Variants in SORL1 observed in about 807,000 individuals in gnomAD.
SORL1 encodes sortilin related receptor 1, also known as sortilin-related receptor.
Under a neutral mutation model 273.7 loss-of-function variants are expected in SORL1, and 127 were observed. The ratio of observed to expected loss-of-function variants is 0.46; its 90% confidence interval spans 0.40 to 0.54. The LOEUF (loss-of-function observed/expected upper bound fraction) is 0.54, where lower values mean the gene tolerates loss of function less well. Among genes scored for constraint, SORL1 ranks in the 20% least tolerant of loss-of-function variants. The pLI, the probability that SORL1 is intolerant of heterozygous loss-of-function variation, is 0.00. For synonymous variants in SORL1, 1,031 were observed against 1,067.4 expected (o/e 0.97, Z 0.66); for missense variants, 2,494 against 2,846.1 (o/e 0.88, Z 2.81).
chr11:121,539,416 A>G (rs1334997836), intron 12 of SORL1, among the ~76,000 whole-genome samples: 1 of 152,184 alleles, frequency 6.6e-6, no homozygotes, highest in African/African-American at 2.4e-5. Flanking sequence ...TATTTTCCCT[A>G]TTCTAGTTTT....
In SORL1 at chr11:121,550,661, C is replaced by T. The variant is rs140704540; in HGVS notation, c.2257C>T (p.Pro753Ser). The T allele has an allele frequency of 1.2e-6, 2 of 1,613,334 alleles. No homozygotes were observed. The highest frequency in any genetic ancestry group is 1.7e-6 in the Non-Finnish European group (2 of 1,179,322). ...ARLEGELVPC[P>S]LAEENEFILY... ...ACTGGAAGGAGAGCTGGTCCCCTGTCCCCTGGCAGGTAAGAGAGGTGGTTT... is the reference window on the plus strand; with the variant it reads ...ACTGGAAGGAGAGCTGGTCCCCTGTTCCCTGGCAGGTAAGAGAGGTGGTTT... The change falls in exon 16 of 48, where the codon CCC becomes TCC. Residue 753 changes from proline to serine, a missense_variant. Pro to Ser is a moderately conservative substitution (Grantham distance 74, BLOSUM62 -1). Transcript: ENST00000260197. The surrounding 1 kb of genome is among the most constrained non-coding windows in gnomAD (Gnocchi z 5.3).
chr11:121,557,877 G>A (rs1439138251), intron 19 of SORL1, among the ~76,000 whole-genome samples: 1 of 152,190 alleles, frequency 6.6e-6, no homozygotes, highest in Admixed American at 6.5e-5. Context: ...AATTAAGAGG[G>A]AAATTCTGGA....
rs1863617222 is a variant in SORL1, at chr11:121,614,890, T to TA, written c.5440dup (p.Thr1814AsnfsTer4). The TA allele has an allele frequency of 6.2e-7, 1 of 1,613,266 alleles. No individual in the cohort carries two copies. Reference sequence around the variant, plus strand: ...TCACAGTTGGCAATCTGACAGCTCATACATCCTATGAGATTTCTGCCTGGG... The same window carrying TA: ...TCACAGTTGGCAATCTGACAGCTCATAACATCCTATGAGATTTCTGCCTGGG... On this transcript the variant is annotated frameshift_variant, in exon 41 of 48. Coordinates refer to ENST00000260197, the MANE Select transcript of SORL1 (RefSeq NM_003105.6). LOFTEE classifies it high-confidence loss of function.
In SORL1 at chr11:121,554,190, T is replaced by G. The variant is rs1862544671; in HGVS notation, c.2439+81T>G. On this transcript the variant is annotated intron_variant, in intron 17 of 47. Coordinates refer to ENST00000260197, the MANE Select transcript of SORL1 (RefSeq NM_003105.6). The surrounding 1 kb of genome is among the most constrained non-coding windows in gnomAD (Gnocchi z 4.6). ...GATAAGCTGCATGCAGAATGGCCTATGGAAATGGGCAGTTAGAAGTTTGTA... is the reference window on the plus strand; with the variant it reads ...GATAAGCTGCATGCAGAATGGCCTAGGGAAATGGGCAGTTAGAAGTTTGTA... The G allele has an allele frequency of 4.7e-6, 6 of 1,286,870 alleles. No homozygotes were observed. The highest frequency in any genetic ancestry group is 6.5e-6 in the Non-Finnish European group (6 of 921,678). 79.7% of individuals were successfully genotyped at this position (1,286,870 alleles called of 1,614,324 possible). A position where few individuals can be genotyped will look rare whatever the true frequency, so the allele number is the denominator to read the frequency against.
At chr11:121,598,560 C>T (rs1178196763) in intron 32 of SORL1, among the ~76,000 whole-genome samples, 1 of 152,168 alleles carries the variant, frequency 6.6e-6, no homozygotes, top group Non-Finnish European at 1.5e-5. Flanking sequence ...TCTTGTCTTC[C>T]TTTTCATTTT....
At chr11:121,547,498 G>A (rs1192209355) in intron 14 of SORL1, among the ~76,000 whole-genome samples, 1 of 139,852 alleles carries the variant, frequency 7.2e-6, no homozygotes, top group African/African-American at 2.7e-5. Flanking sequence ...GGGTAAACTG[G>A]CCTGGGACCT....
intron 43 of SORL1, among the ~76,000 whole-genome samples, chr11:121,620,479 T>C (rs1485906704): frequency 1.3e-5 from 2 of 152,178 alleles, no homozygotes; most frequent in African/African-American, 4.8e-5. Flanking sequence ...TGCTCTTCCC[T>C]CTCTCCTCTC....
Position 121,550,303 on chromosome 11 carries a change from A to G in SORL1, c.2180+215A>G, listed in dbSNP as rs1178930744. On this transcript the variant is annotated intron_variant, in intron 15 of 47. Coordinates refer to ENST00000260197, the MANE Select transcript of SORL1 (RefSeq NM_003105.6). This position sits in a 1 kb window ranked among gnomAD's most constrained non-coding sequence, Gnocchi z 5.3. ...TAAGCATCCCTGAAACTCTAGGAAT[A>G]TCTTAAGTCATCAACTTCAGCAGGG... is the stretch of plus-strand genomic sequence containing the variant. Among the ~76,000 whole-genome samples, 6 of 152,232 alleles carry G rather than the reference A, an allele frequency of 3.9e-5. No individual in the cohort carries two copies. The highest frequency in any genetic ancestry group is 4.8e-5 in the African/African-American group (2 of 41,460).
intron 43 of SORL1, among the ~76,000 whole-genome samples, chr11:121,620,430 A>G (rs1472462600): frequency 6.6e-6 from 1 of 152,172 alleles, no homozygotes; most frequent in East Asian, 1.9e-4. Flanking sequence ...TTGATCCTAA[A>G]CAAAACAAAA....
At chr11:121,532,387 G>T (rs1862214338) in intron 11 of SORL1, 77 bp from the exon 12 acceptor site, 6 of 1,310,092 alleles carry the variant, frequency 4.6e-6, no homozygotes, top group Non-Finnish European at 6.6e-6. Flanking sequence ...GTGTGTGCAT[G>T]CCTGTGGGCA....
rs533084873 is a variant in SORL1 at position 121,607,988 on chromosome 11, A to G, written c.5167-116A>G. 5 of 852,464 alleles carry G rather than the reference A, an allele frequency of 5.9e-6. 1 individual carries two copies. The South Asian group carries it at 8.3e-5, about 14-fold the overall frequency. 52.8% of individuals were successfully genotyped at this position (852,464 alleles called of 1,614,324 possible). The stretch of plus-strand genomic sequence containing the variant: ...GAATATTCTGGATCACTCTGTATAA[A>G]ATTTTTCCAGCCTCACTGCCAAAAT... On this transcript the variant is annotated intron_variant, in intron 37 of 47. Transcript: ENST00000260197.
In SORL1 at chr11:121,596,115, A is replaced by C. The variant is rs138488297; in HGVS notation, c.4519+343A>C. Among the ~76,000 whole-genome samples the C allele has an allele frequency of 1.3e-5, 2 of 152,204 alleles. No homozygotes were observed. The highest frequency in any genetic ancestry group is 4.8e-5 in the African/African-American group (2 of 41,450). ...AAAGCCACAACTCTTCTGTATGTAC[A>C]TTCATTCTTCTGGAAGTATTTAGTG... On this transcript the variant is annotated intron_variant, in intron 32 of 47. Coordinates refer to ENST00000260197, the MANE Select transcript of SORL1 (RefSeq NM_003105.6). This position sits in a 1 kb window ranked among gnomAD's most constrained non-coding sequence, Gnocchi z 4.3.
At chr11:121,488,006 C>T in intron 3 of SORL1, 26 bp from the exon 4 acceptor site, 1 of 1,612,716 alleles carries the variant, frequency 6.2e-7, no homozygotes, top group Non-Finnish European at 8.5e-7. Flanking sequence ...AGGGCCTGCT[C>T]TCAACTTACC....
chr11:121,513,322 G>A (rs1386083171), intron 7 of SORL1, among the ~76,000 whole-genome samples: 4 of 152,228 alleles, frequency 2.6e-5, no homozygotes, highest in Non-Finnish European at 5.9e-5. Context: ...GCTTTAAGTG[G>A]AGCAGCACTG....
intron 14 of SORL1, among the ~76,000 whole-genome samples, chr11:121,546,388 T>C (rs930317461): frequency 6.6e-6 from 1 of 152,168 alleles, no homozygotes; most frequent in African/African-American, 2.4e-5. Flanking sequence ...AAGAGGATTC[T>C]AGTGGCAGAG....
rs1386304567 is a variant in SORL1, at chr11:121,632,651, A to G, written c.*3088A>G. ...AATGTAACCCTTCTCAGAACTGGCC[A>G]TTTTCAGGGGAAGCTTGGGAGAGCA... is the stretch of plus-strand genomic sequence containing the variant. On this transcript the variant is annotated 3_prime_UTR_variant, in exon 48 of 48. Coordinates refer to ENST00000260197, the MANE Select transcript of SORL1 (RefSeq NM_003105.6). The G allele has an allele frequency of 2.6e-5, 4 of 151,618 alleles. No individual in the cohort carries two copies. The highest frequency in any genetic ancestry group is 5.9e-5 in the Non-Finnish European group (4 of 67,974). The allele number at this position is 151,618 out of a possible 1,614,324, so 9.4% of individuals were successfully genotyped here.
chr11:121,597,456 G>GTTTTTTTTTTT (rs1239492916), intron 32 of SORL1, among the ~76,000 whole-genome samples: 1 of 140,296 alleles, frequency 7.1e-6, no homozygotes. Context: ...GTGTTTGTTT[G>GTTTTTTTTTTT]TTTTTTTTTT....
At chr11:121,513,638 G>C (rs1257520534) in intron 7 of SORL1, among the ~76,000 whole-genome samples, 1 of 152,130 alleles carries the variant, frequency 6.6e-6, no homozygotes, top group Non-Finnish European at 1.5e-5. Context: ...ACAGGGAGAC[G>C]GTCACAGTGA....
At chr11:121,463,905 A>G (rs2134772915) in intron 1 of SORL1, among the ~76,000 whole-genome samples, 1 of 152,326 alleles carries the variant, frequency 6.6e-6, no homozygotes, top group East Asian at 1.9e-4. Flanking sequence ...CATTTAAGCC[A>G]TGCAAAGGGA....
Sources: allele counts gnomAD v4.1 joint callset (sites outside exome capture counted in the v4.1 genomes callset), GRCh38; gene constraint gnomAD v4.1.1; non-coding constraint Gnocchi (gnomAD v3.1); transcripts MANE v1.5; gene names NCBI Gene and HGNC (gene_info 2026-07-23, HGNC 2026-07-21).